CMIP: variants seen among roughly 807,000 people sequenced by gnomAD.
CMIP encodes C-Maf-inducing protein.
In CMIP, 13 loss-of-function variants were observed where a neutral mutation model predicts 97.3. The ratio of observed to expected loss-of-function variants is 0.13; its 90% confidence interval spans 0.09 to 0.21. The LOEUF is 0.21. Among genes scored for constraint, CMIP ranks in the 10% least tolerant of loss-of-function variants. The pLI is 1.00. For missense variants in CMIP, 847 were observed against 1,024.9 expected, an observed-to-expected ratio of 0.83 and a Z score of 2.37; for synonymous variants, 538 against 436.3, an observed-to-expected ratio of 1.23 and a Z score of -2.91.
intron 19 of CMIP, among the ~76,000 whole-genome samples, chr16:81,705,888 G>A (rs1398941990): frequency 2.0e-5 from 3 of 152,184 alleles, no homozygotes; most frequent in East Asian, 1.9e-4. Context: ...AGTCCACTGA[G>A]GGGTCGAGTT....
intron 1 of CMIP, among the ~76,000 whole-genome samples, chr16:81,524,107 A>T (rs2090082449): frequency 6.6e-6 from 1 of 152,148 alleles, no homozygotes; most frequent in African/African-American, 2.4e-5. Flanking sequence ...GAACCCTCTG[A>T]CCTGTGAGGT....
intron 1 of CMIP, among the ~76,000 whole-genome samples, chr16:81,447,685 G>A (rs1189838304): frequency 1.3e-5 from 2 of 152,238 alleles, no homozygotes; most frequent in African/African-American, 4.8e-5. Flanking sequence ...AGTGTTTGAT[G>A]GACTGGCATA....
At chr16:81,613,587 T>C (rs2091866113) in intron 2 of CMIP, among the ~76,000 whole-genome samples, 1 of 152,202 alleles carries the variant, frequency 6.6e-6, no homozygotes, top group African/African-American at 2.4e-5. Context: ...CTCGTAGATA[T>C]TACATGTAAA....
intron 13 of CMIP, chr16:81,696,356 T>TG (rs1906718064): frequency 1.6e-6 from 1 of 620,688 alleles, no homozygotes; most frequent in Non-Finnish European, 2.9e-6. Context: ...CAGAGTCCCC[T>TG]GGGGTGTGGG....
chr16:81,646,339 T>C (rs374794021), intron 3 of CMIP, among the ~76,000 whole-genome samples: 1 of 151,992 alleles, frequency 6.6e-6, no homozygotes, highest in South Asian at 2.1e-4. Flanking sequence ...GAGTAGATGA[T>C]GGATGGGTGG....
In CMIP at chr16:81,616,724, G is replaced by T. The variant is rs1359268245; in HGVS notation, c.427-4152G>T. Among the ~76,000 whole-genome samples, 2 of 152,210 alleles carry T rather than the reference G, an allele frequency of 1.3e-5. No individual in the cohort carries two copies. Among genetic ancestry groups the T allele is most frequent in the Non-Finnish European group, 2.9e-5 (2 of 68,036 alleles). On this transcript the variant is annotated intron_variant, in intron 2 of 20. Coordinates refer to ENST00000537098, the MANE Select transcript of CMIP (RefSeq NM_198390.3). This position sits in a 1 kb window ranked among gnomAD's most constrained non-coding sequence, Gnocchi z 4.7. ...GGGAAGGGGGTCACACCCTCCTATG[G>T]GAGGAAAGGCTTGGAAACCCAGATG...
chr16:81,526,236 T>G (rs1339841634), intron 1 of CMIP, among the ~76,000 whole-genome samples: 1 of 152,212 alleles, frequency 6.6e-6, no homozygotes, highest in Admixed American at 6.5e-5. Context: ...ATTCTCAACC[T>G]TGGGTCCTTG....
chr16:81,647,407 C>T (rs1040243222), intron 3 of CMIP, among the ~76,000 whole-genome samples: 22 of 152,248 alleles, frequency 1.4e-4, no homozygotes, highest in African/African-American at 4.8e-4. Flanking sequence ...TTGGTCTCAT[C>T]GAACAAAAAC....
intron 1 of CMIP, among the ~76,000 whole-genome samples, chr16:81,536,065 A>G (rs567708423): frequency 6.6e-5 from 10 of 152,314 alleles, no homozygotes; most frequent in African/African-American, 2.4e-4. Context: ...ACTCATAAGC[A>G]GGGACCCGAA....
intron 13 of CMIP, among the ~76,000 whole-genome samples, chr16:81,694,883 C>T (rs1318726262): frequency 7.9e-5 from 12 of 152,166 alleles, no homozygotes; most frequent in Non-Finnish European, 1.3e-4. Flanking sequence ...AAAGGAGAAA[C>T]GGTGGATATG....
At chr16:81,500,601 G>C (rs1390346776) in intron 1 of CMIP, among the ~76,000 whole-genome samples, 1 of 151,034 alleles carries the variant, frequency 6.6e-6, no homozygotes, top group Non-Finnish European at 1.5e-5. Flanking sequence ...TGATTCTCCT[G>C]CCTCAGCCTC....
At position 81,711,676 on chromosome 16, in the gene CMIP, CTGA is replaced by C. The variant is rs1908795578; in HGVS notation, c.*1880_*1882del. On this transcript the variant is annotated 3_prime_UTR_variant, in exon 21 of 21. Transcript: ENST00000537098. The stretch of plus-strand genomic sequence containing the variant: ...CTTTCCCCTCGCACTGTTGCTTTTC[CTGA>C]TGGTTAATACTACTGTCACGTAGCT... The C allele has an allele frequency of 6.6e-6, 1 of 151,276 alleles. No homozygotes were observed. The highest frequency in any genetic ancestry group is 1.5e-5 in the Non-Finnish European group (1 of 67,906). The allele number at this position is 151,276 out of a possible 1,614,324, so 9.4% of individuals were successfully genotyped here. A position where few individuals can be genotyped will look rare whatever the true frequency, so the allele number is the denominator to read the frequency against.
intron 10 of CMIP, among the ~76,000 whole-genome samples, chr16:81,690,428 G>A (rs1193580349): frequency 6.6e-6 from 1 of 152,172 alleles, no homozygotes; most frequent in Non-Finnish European, 1.5e-5. Context: ...AAGAAGAAAA[G>A]CTGTTGTCTG....
chr16:81,591,976 A>G (rs953800420), intron 1 of CMIP, among the ~76,000 whole-genome samples: 3 of 151,238 alleles, frequency 2.0e-5, no homozygotes, highest in African/African-American at 7.3e-5. Context: ...GGCGCCTGCC[A>G]CCACACATGG....
At chr16:81,695,373 G>C (rs1032271123) in intron 13 of CMIP, 1 of 152,152 alleles carries the variant, frequency 6.6e-6, no homozygotes, top group African/African-American at 2.4e-5. Flanking sequence ...CTTTGAAGTC[G>C]ATAAGGGAAC....
chr16:81,702,276 G>T (rs556730645), intron 16 of CMIP, among the ~76,000 whole-genome samples: 1 of 152,168 alleles, frequency 6.6e-6, no homozygotes, highest in Admixed American at 6.5e-5. Flanking sequence ...CCCCTTCAGT[G>T]AGATATGTTT....
chr16:81,670,172 T>A lies in CMIP; in HGVS notation c.856T>A (p.Phe286Ile). 6.2e-7 allele frequency: 1 copy of A among 1,611,134 alleles called. No homozygotes were observed. The highest frequency in any genetic ancestry group is 8.5e-7 in the Non-Finnish European group (1 of 1,178,830). ...DFGKCPRLRL[F>I]TQEYILALNE... ...TGGGAAGTGCCCGCGACTGAGGCTG[T>A]TTACTCAGGAGTACATCCTTGCCTT... is the stretch of plus-strand genomic sequence containing the variant. The change falls in exon 8 of 21, where the codon TTT (phenylalanine) becomes ATT (isoleucine). Residue 286 changes from phenylalanine to isoleucine, a missense_variant. This residue lies in a region of CMIP where 285 missense variants were observed against 392.2 expected (regional missense o/e 0.73). Transcript: ENST00000537098.
At chr16:81,581,286 CG>C (rs1435245140) in intron 1 of CMIP, among the ~76,000 whole-genome samples, 1 of 152,088 alleles carries the variant, frequency 6.6e-6, no homozygotes, top group Non-Finnish European at 1.5e-5. Flanking sequence ...GGATACGTTC[CG>C]GGAAGCGCGT....
intron 13 of CMIP, chr16:81,695,495 C>T (rs1261331904): frequency 6.6e-6 from 1 of 152,210 alleles, no homozygotes; most frequent in African/African-American, 2.4e-5. Flanking sequence ...AGATTCTTGG[C>T]AGCCAATCGT....
Sources: allele counts gnomAD v4.1 joint callset (sites outside exome capture counted in the v4.1 genomes callset), GRCh38; gene constraint gnomAD v4.1.1; regional missense constraint gnomAD v4.1.1; non-coding constraint Gnocchi (gnomAD v3.1); transcripts MANE v1.5; gene names NCBI Gene and HGNC (gene_info 2026-07-23, HGNC 2026-07-21).